SIL1: variants seen among roughly 807,000 people sequenced by gnomAD.
SIL1 encodes the protein nucleotide exchange factor SIL1.
SIL1 carries 40 observed loss-of-function variants against 49.1 expected under a neutral mutation model. The observed-to-expected ratio is 0.81, with a 90% CI of 0.63 to 1.06. The LOEUF (loss-of-function observed/expected upper bound fraction) is 1.06. Among genes scored for constraint, SIL1 ranks in the 50% least tolerant of loss-of-function variants. The pLI is 0.00. For synonymous variants in SIL1, 253 were observed against 250.8 expected, an observed-to-expected ratio of 1.01 and a Z score of -0.08; for missense variants, 500 against 572.6, an observed-to-expected ratio of 0.87 and a Z score of 1.29.
chr5:138,972,393 A>G (rs1441114491), intron 7 of SIL1, among the ~76,000 whole-genome samples: 1 of 152,242 alleles, frequency 6.6e-6, no homozygotes, highest in Admixed American at 6.5e-5. Context: ...GGTCTGGTTC[A>G]ACGCAGCCAT....
intron 1 of SIL1, among the ~76,000 whole-genome samples, chr5:139,183,216 T>C (rs950662235): frequency 1.3e-5 from 2 of 152,208 alleles, no homozygotes; most frequent in African/African-American, 4.8e-5. Context: ...GACCTCTACA[T>C]GCCCCCAAGT....
At chr5:139,011,621 A>C (rs562205145) in intron 7 of SIL1, among the ~76,000 whole-genome samples, 2 of 152,096 alleles carry the variant, frequency 1.3e-5, no homozygotes. Context: ...AGTGTGAGCC[A>C]CTGCACCCCA....
chr5:138,952,170 C>T (rs1766795005), intron 7 of SIL1, among the ~76,000 whole-genome samples: 1 of 152,250 alleles, frequency 6.6e-6, no homozygotes, highest in South Asian at 2.1e-4. Flanking sequence ...ACCTCTACTA[C>T]TGTAAAGACA....
chr5:139,160,152 C>T (rs1423610711), intron 1 of SIL1, among the ~76,000 whole-genome samples: 2 of 64,364 alleles, frequency 3.1e-5, no homozygotes, highest in East Asian at 2.6e-4. Context: ...ATCACACACA[C>T]ACACACACAC....
At chr5:139,081,966 G>A in intron 3 of SIL1, among the ~76,000 whole-genome samples, 1 of 152,124 alleles carries the variant, frequency 6.6e-6, no homozygotes, top group East Asian at 1.9e-4. Context: ...CAGAGGAAGT[G>A]AGAAGACTTC....
chr5:139,005,608 C>G (rs1166143004), intron 7 of SIL1, among the ~76,000 whole-genome samples: 123 of 99,950 alleles, frequency 1.2e-3, no homozygotes, highest in Non-Finnish European at 2.0e-3. Context: ...CCCCCTCCCC[C>G]CACCCCACCA....
In SIL1 at chr5:139,021,215, G is replaced by A. The variant is rs765291894; in HGVS notation, c.723C>T (p.Leu241=). 1.1e-5 allele frequency: 18 copies of A among 1,614,126 alleles called. No homozygotes were observed. Among genetic ancestry groups the A allele is most frequent in the East Asian group, 4.5e-5 (2 of 44,880 alleles). The change falls in exon 7 of 10, where the codon CTC becomes CTT. Residue 241 remains leucine (L), a synonymous_variant. Transcript: ENST00000394817. ...VINGLNSTEP[L]VKEYAAFVLG... is the part of the protein sequence containing the mutation. Reference sequence around the variant, plus strand: ...GCACAAACGCAGCATACTCCTTCACGAGGGGCTCTGTGCTGTTCAGCCCAT... The same window carrying A: ...GCACAAACGCAGCATACTCCTTCACAAGGGGCTCTGTGCTGTTCAGCCCAT...
At position 139,036,648 on chromosome 5, in the gene SIL1, A is replaced by G. The variant is rs557576910; in HGVS notation, c.453+5972T>C. On this transcript the variant is annotated intron_variant, in intron 5 of 9. Transcript: ENST00000394817. ...TCTTATAAGTGGGAGTTAAATGATG[A>G]TAACACACGGATACTTAGAGGGGAA... Among the ~76,000 whole-genome samples the G allele has an allele frequency of 9.8e-5, 15 of 152,318 alleles. No individual in the cohort carries two copies. The South Asian group carries it at 3.1e-3, about 32-fold the overall frequency.
intron 1 of SIL1, among the ~76,000 whole-genome samples, chr5:139,154,980 G>T (rs1400731146): frequency 6.6e-6 from 1 of 152,128 alleles, no homozygotes; most frequent in East Asian, 1.9e-4. Flanking sequence ...AATGCTTCAG[G>T]GATGTGTTTG....
At chr5:138,973,684 A>C (rs1249545093) in intron 7 of SIL1, among the ~76,000 whole-genome samples, 2 of 152,044 alleles carry the variant, frequency 1.3e-5, no homozygotes, top group African/African-American at 4.8e-5. Flanking sequence ...TTCTGGGCTC[A>C]AGTGATCTTC....
chr5:139,015,195 T>C (rs1768372957), intron 7 of SIL1, among the ~76,000 whole-genome samples: 1 of 152,230 alleles, frequency 6.6e-6, no homozygotes, highest in African/African-American at 2.4e-5. Flanking sequence ...TCCTATGCTA[T>C]ATATTAGAGA....
Position 138,947,098 on chromosome 5 carries a change from C to G in SIL1, c.*19G>C. The G allele has an allele frequency of 1.9e-6, 3 of 1,596,880 alleles. No individual in the cohort carries two copies. In the South Asian group the frequency reaches 3.3e-5, roughly 18 times the overall value. On this transcript the variant is annotated 3_prime_UTR_variant, in exon 10 of 10. Coordinates refer to ENST00000394817, the MANE Select transcript of SIL1 (RefSeq NM_022464.5). This position sits in a 1 kb window ranked among gnomAD's most constrained non-coding sequence, Gnocchi z 4.1. ...TCAGCCTCACTAGCGGCATCCCAGT[C>G]CAGTCCTGGTGTGGGGCCTCATCTC...
intron 7 of SIL1, among the ~76,000 whole-genome samples, chr5:138,954,133 T>C (rs1341736581): frequency 2.6e-5 from 4 of 152,112 alleles, no homozygotes; most frequent in African/African-American, 9.7e-5. Context: ...AGCAGCCCAG[T>C]CCCACCCACT....
At chr5:139,054,508 T>C (rs752493382) in intron 3 of SIL1, among the ~76,000 whole-genome samples, 16 of 152,156 alleles carry the variant, frequency 1.1e-4, no homozygotes, top group Admixed American at 5.2e-4. Flanking sequence ...CCAAGAAGGA[T>C]TTTTACTAGG....
chr5:139,121,221 G>A lies in SIL1; in HGVS notation c.106-48C>T, dbSNP rs372147763. 1.9e-6 allele frequency: 3 copies of A among 1,612,870 alleles called. No homozygotes were observed. The African/African-American group carries it at 4.0e-5, about 22-fold the overall frequency. Reference sequence around the variant, plus strand: ...ATGACCCACTGCAACTAGGCGCCAGGTAAGCAGAAAAAAAATGGCCTAGGG... The same window carrying A: ...ATGACCCACTGCAACTAGGCGCCAGATAAGCAGAAAAAAAATGGCCTAGGG... On this transcript the variant is annotated intron_variant, in intron 2 of 9. Transcript: ENST00000394817.
chr5:138,997,161 C>G (rs537206407), intron 7 of SIL1, among the ~76,000 whole-genome samples: 2 of 152,164 alleles, frequency 1.3e-5, no homozygotes, highest in South Asian at 4.2e-4. Flanking sequence ...AACCCCTGGC[C>G]TCAAGCGATC....
chr5:138,998,291 C>A (rs973037103), intron 7 of SIL1, among the ~76,000 whole-genome samples: 36 of 152,096 alleles, frequency 2.4e-4, no homozygotes, highest in African/African-American at 8.5e-4. Flanking sequence ...AGTGATCCTC[C>A]TGAGTAGCTG....
intron 1 of SIL1, among the ~76,000 whole-genome samples, chr5:139,154,227 A>C (rs945324661): frequency 7.9e-6 from 1 of 125,788 alleles, no homozygotes; most frequent in Admixed American, 7.8e-5. Flanking sequence ...CCAAAATATC[A>C]GGTAAAAAAA....
At chr5:139,143,218 C>T (rs1219043396) in intron 1 of SIL1, among the ~76,000 whole-genome samples, 1 of 144,362 alleles carries the variant, frequency 6.9e-6, no homozygotes, top group East Asian at 2.0e-4. Context: ...TGTATATACA[C>T]ATATAAATGT....
Sources: allele counts gnomAD v4.1 joint callset (sites outside exome capture counted in the v4.1 genomes callset), GRCh38; gene constraint gnomAD v4.1.1; non-coding constraint Gnocchi (gnomAD v3.1); transcripts MANE v1.5; gene names NCBI Gene and HGNC (gene_info 2026-07-23, HGNC 2026-07-21).